Variants in DNAJC15 observed in about 807,000 individuals in gnomAD.
The protein encoded by DNAJC15 is dnaJ homolog subfamily C member 15.
In DNAJC15, 27 loss-of-function variants were observed where a neutral mutation model predicts 22.4. That is an observed-to-expected ratio of 1.20 (90% CI 0.89 to 1.66). The LOEUF (loss-of-function observed/expected upper bound fraction) is 1.66, where lower values mean the gene tolerates loss of function less well. Ranked by LOEUF, DNAJC15 falls within the 40% of genes most tolerant of loss-of-function variation. The pLI is 0.00. For missense variants in DNAJC15, 208 were observed against 187.1 expected, an observed-to-expected ratio of 1.11 and a Z score of -0.65; for synonymous variants, 79 against 63.2, an observed-to-expected ratio of 1.25 and a Z score of -1.19.
Position 43,111,588 on chromosome 13 carries a change from T to C in DNAJC15, c.*4340T>C, listed in dbSNP as rs2040824994. On this transcript the variant is annotated 3_prime_UTR_variant, in exon 6 of 6. Coordinates refer to ENST00000379221, the MANE Select transcript of DNAJC15 (RefSeq NM_013238.3). ...GGAGAAGATGAATCAGCCAGGCTCT[T>C]TACGTCAAGAATATGAAGTTTCTCT... The C allele has an allele frequency of 3.9e-5, 6 of 152,204 alleles. No individual in the cohort carries two copies. Among genetic ancestry groups the C allele is most frequent in the Admixed American group, 3.3e-4 (5 of 15,280 alleles). The allele number at this position is 152,204 out of a possible 1,614,324, so 9.4% of individuals were successfully genotyped here.
intron 1 of DNAJC15, among the ~76,000 whole-genome samples, chr13:43,058,089 C>G (rs1280278997): frequency 6.6e-6 from 1 of 152,194 alleles, no homozygotes; most frequent in Admixed American, 6.5e-5. Flanking sequence ...ACAGTTGTTA[C>G]ATGGACAGAC....
Position 43,023,622 on chromosome 13 carries a change from T to C in DNAJC15, c.-5T>C. The C allele has an allele frequency of 6.2e-7, 1 of 1,608,236 alleles. No homozygotes were observed. The highest frequency in any genetic ancestry group is 8.5e-7 in the Non-Finnish European group (1 of 1,177,458). On this transcript the variant is annotated 5_prime_UTR_variant, in exon 1 of 6. Coordinates refer to ENST00000379221, the MANE Select transcript of DNAJC15 (RefSeq NM_013238.3). ...CGGCGCCTTGAGTCTCCGGGCCGCC[T>C]TGCCATGGCTGCCCGTGGTGTCATC...
intron 4 of DNAJC15, among the ~76,000 whole-genome samples, chr13:43,082,900 A>ATG (rs61375153): frequency 0.017 from 2,577 of 151,154 alleles, 86 homozygotes; most frequent in East Asian, 0.11. Context: ...GTGTATATAT[A>ATG]TGTGTGTGTG....
intron 1 of DNAJC15, among the ~76,000 whole-genome samples, chr13:43,060,461 CAG>C (rs1159374707): frequency 2.0e-5 from 3 of 152,146 alleles, no homozygotes; most frequent in Non-Finnish European, 4.4e-5. Flanking sequence ...GACATCCAAT[CAG>C]AGAGTGTCCA....
intron 1 of DNAJC15, among the ~76,000 whole-genome samples, chr13:43,033,967 G>A (rs1319565408): frequency 6.7e-6 from 1 of 149,906 alleles, no homozygotes; most frequent in Admixed American, 6.7e-5. Context: ...GGCGGAGGTT[G>A]CAGTGACCCG....
rs1163157993 is a variant in DNAJC15, at chr13:43,108,229, GA to G, written c.*982del. 1 of 152,216 alleles carries G rather than the reference GA, an allele frequency of 6.6e-6. No individual in the cohort carries two copies. The highest frequency in any genetic ancestry group is 1.5e-5 in the Non-Finnish European group (1 of 68,014). 9.4% of individuals were successfully genotyped at this position (152,216 alleles called of 1,614,324 possible). On this transcript the variant is annotated 3_prime_UTR_variant, in exon 6 of 6. Transcript: ENST00000379221. Reference sequence around the variant, plus strand: ...AAAGAAAAATATTCCGATACCATATGATTGGTGAGGTAAGTGTTATTCTGAG... The same window carrying G: ...AAAGAAAAATATTCCGATACCATATGTTGGTGAGGTAAGTGTTATTCTGAG...
chr13:43,052,201 G>A lies in DNAJC15; in HGVS notation c.109-13485G>A, dbSNP rs759220747. Among the ~76,000 whole-genome samples the A allele has an allele frequency of 1.1e-3, 171 of 152,162 alleles. 1 individual carries two copies. The highest frequency in any genetic ancestry group is 6.5e-4 in the Non-Finnish European group (44 of 68,014). On this transcript the variant is annotated intron_variant, in intron 1 of 5. Transcript: ENST00000379221. ...GATGGTCTCGATCTCCTGACCTTGT[G>A]ATACACCTGTCTCAGCCTCCCAAAG...
chr13:43,071,528 T>G (rs889018494), intron 3 of DNAJC15, among the ~76,000 whole-genome samples: 4 of 152,362 alleles, frequency 2.6e-5, no homozygotes, highest in Middle Eastern at 3.4e-3. Context: ...TAAACAATTT[T>G]AAAACTAGTA....
At chr13:43,084,891 A>T (rs187171188) in intron 4 of DNAJC15, among the ~76,000 whole-genome samples, 27 of 152,346 alleles carry the variant, frequency 1.8e-4, no homozygotes, top group Middle Eastern at 6.8e-3. Flanking sequence ...GTAAAGGTAA[A>T]AGATAACTAT....
chr13:43,044,210 A>C (rs2040466139), intron 1 of DNAJC15, among the ~76,000 whole-genome samples: 1 of 152,212 alleles, frequency 6.6e-6, no homozygotes, highest in South Asian at 2.1e-4. Context: ...GTAAGACAGC[A>C]TAAAACACTG....
chr13:43,096,937 C>T (rs2040742506), intron 5 of DNAJC15, among the ~76,000 whole-genome samples: 1 of 152,160 alleles, frequency 6.6e-6, no homozygotes, highest in Non-Finnish European at 1.5e-5. Context: ...CCTAGCTATC[C>T]CAGCTTAGGC....
chr13:43,047,155 A>G (rs1196136481), intron 1 of DNAJC15, among the ~76,000 whole-genome samples: 1 of 152,224 alleles, frequency 6.6e-6, no homozygotes. Flanking sequence ...TAACAGTGGT[A>G]AAGTTTCTTA....
At chr13:43,063,300 G>T (rs199841870) in intron 1 of DNAJC15, among the ~76,000 whole-genome samples, 1 of 152,212 alleles carries the variant, frequency 6.6e-6, no homozygotes, top group Admixed American at 6.5e-5. Flanking sequence ...GTGAGCCACC[G>T]CGTCCAGCTT....
Position 43,055,617 on chromosome 13 carries a change from C to A in DNAJC15, c.109-10069C>A, listed in dbSNP as rs568720415. 3.9e-5 allele frequency among the ~76,000 whole-genome samples: 6 copies of A among 152,306 alleles called. No individual in the cohort carries two copies. The South Asian group carries it at 1.2e-3, about 32-fold the overall frequency. On this transcript the variant is annotated intron_variant, in intron 1 of 5. Transcript: ENST00000379221. ...CTAATTTAGCGTATTTGGATCTTCT[C>A]TCTTCTTTTCTTGGTTAATCTAAGG...
chr13:43,048,440 C>T (rs1053029623), intron 1 of DNAJC15, among the ~76,000 whole-genome samples: 4 of 152,180 alleles, frequency 2.6e-5, no homozygotes, highest in Non-Finnish European at 4.4e-5. Flanking sequence ...TGTGGTGAGC[C>T]GAGATTGCGC....
intron 5 of DNAJC15, among the ~76,000 whole-genome samples, chr13:43,100,198 T>C (rs2040760665): frequency 6.8e-6 from 1 of 147,356 alleles, no homozygotes; most frequent in Non-Finnish European, 1.5e-5. Flanking sequence ...GGTTAAGTTA[T>C]TGAAGTCTTT....
intron 1 of DNAJC15, among the ~76,000 whole-genome samples, chr13:43,034,537 G>C (rs924601214): frequency 2.6e-5 from 4 of 151,672 alleles, no homozygotes; most frequent in Non-Finnish European, 5.9e-5. Flanking sequence ...GGATGGTCTT[G>C]TTCTCCTGAC....
intron 3 of DNAJC15, among the ~76,000 whole-genome samples, chr13:43,070,699 C>A (rs1406104513): frequency 2.0e-5 from 3 of 152,094 alleles, no homozygotes; most frequent in Non-Finnish European, 4.4e-5. Context: ...GCAAGAGTAA[C>A]TCCAAAGGAG....
chr13:43,077,326 C>CTA (rs1221601644), intron 3 of DNAJC15, among the ~76,000 whole-genome samples: 2 of 152,154 alleles, frequency 1.3e-5, no homozygotes, highest in Non-Finnish European at 2.9e-5. Flanking sequence ...GATTAGCAAG[C>CTA]TATACTTTTA....
Sources: gnomAD v4.1 joint callset for allele counts (sites outside exome capture counted in the v4.1 genomes callset) on GRCh38, gnomAD v4.1.1 for gene constraint, MANE v1.5 for transcripts, NCBI Gene and HGNC (gene_info 2026-07-23, HGNC 2026-07-21) for gene names.